The following SEPSECS variants were observed in gnomAD, a reference collection of about 807,000 sequenced individuals.
SEPSECS encodes O-phosphoseryl-tRNA(Sec) selenium transferase.
SEPSECS carries 42 observed loss-of-function variants against 52.1 expected under a neutral mutation model. The ratio of observed to expected loss-of-function variants is 0.81; its 90% CI spans 0.63 to 1.04. The LOEUF is 1.04. Among genes scored for constraint, SEPSECS ranks in the 50% least tolerant of loss-of-function variants. The pLI, the probability that SEPSECS is intolerant of heterozygous loss-of-function variation, is 0.00. For missense variants in SEPSECS, 590 were observed against 610.6 expected, an observed-to-expected ratio of 0.97 and a Z score of 0.36; for synonymous variants, 216 against 211.4, an observed-to-expected ratio of 1.02 and a Z score of -0.19.
chr4:25,158,940 T>TA lies in SEPSECS; in HGVS notation c.269+12dup, dbSNP rs748765764. ...TAAACGATGTATCTCCTGTACTACT[T>TA]AAAAAAAGATACCTGTAATGACGAC... On this transcript the variant is annotated intron_variant, in intron 2 of 10. Coordinates refer to ENST00000382103, the MANE Select transcript of SEPSECS (RefSeq NM_016955.4). The TA allele has an allele frequency of 3.1e-6, 5 of 1,612,582 alleles. No individual in the cohort carries two copies. The highest frequency in any genetic ancestry group is 1.7e-5 in the Admixed American group (1 of 60,014).
At chr4:25,133,318 T>C (rs1226286063) in intron 8 of SEPSECS, among the ~76,000 whole-genome samples, 3 of 152,242 alleles carry the variant, frequency 2.0e-5, no homozygotes, top group Non-Finnish European at 4.4e-5. Context: ...TCCTGACATC[T>C]GAGATGAAGG....
Position 25,123,932 on chromosome 4 carries a change from C to T in SEPSECS, c.1505G>A (p.Ter502=), listed in dbSNP as rs921485863. The T allele has an allele frequency of 9.3e-6, 15 of 1,612,434 alleles. No homozygotes were observed. Among genetic ancestry groups the T allele is most frequent in the Non-Finnish European group, 1.3e-5 (15 of 1,178,692 alleles). ...LLDTYQDASS[*] ...GATCAAGAAGAAACCCTTCGCATGT[C>T]ATGAAGAAGCATCCTGGTATGTGTC... is the stretch of plus-strand genomic sequence containing the variant. Residue 502 remains the stop codon, a stop_retained_variant, in exon 11 of 11, where the codon TGA becomes TAA. Coordinates refer to ENST00000382103, the MANE Select transcript of SEPSECS (RefSeq NM_016955.4).
intron 9 of SEPSECS, among the ~76,000 whole-genome samples, chr4:25,126,689 A>G (rs1728386648): frequency 6.6e-6 from 1 of 152,230 alleles, no homozygotes; most frequent in Admixed American, 6.5e-5. Flanking sequence ...ACAAATGAAA[A>G]TATCATAAAT....
chr4:25,143,957 C>G (rs1048333954), intron 8 of SEPSECS, among the ~76,000 whole-genome samples: 2 of 152,116 alleles, frequency 1.3e-5, no homozygotes, highest in Admixed American at 6.5e-5. Flanking sequence ...CTGAATTAAG[C>G]TAGTTGTGTT....
At chr4:25,128,018 A>G (rs1199504821) in intron 8 of SEPSECS, among the ~76,000 whole-genome samples, 1 of 152,096 alleles carries the variant, frequency 6.6e-6, no homozygotes, top group East Asian at 1.9e-4. Flanking sequence ...TGCTAAAGAC[A>G]CCTTCCTTTG....
Position 25,123,103 on chromosome 4 carries a change from G to A in SEPSECS, c.*828C>T, listed in dbSNP as rs939328007. 1 of 152,102 alleles carries A rather than the reference G, an allele frequency of 6.6e-6. No individual in the cohort carries two copies. Among genetic ancestry groups the A allele is most frequent in the Non-Finnish European group, 1.5e-5 (1 of 68,004 alleles). 9.4% of individuals were successfully genotyped at this position (152,102 alleles called of 1,614,324 possible). ...GACATGTTTGGAATCCGTGACCCTG[G>A]TTATCACTTAAGATTCTCTATATAG... On this transcript the variant is annotated 3_prime_UTR_variant, in exon 11 of 11. Coordinates refer to ENST00000382103, the MANE Select transcript of SEPSECS (RefSeq NM_016955.4).
rs778727132 is a variant in SEPSECS, at chr4:25,144,812, C to G, written c.988G>C (p.Gly330Arg). 1 of 1,613,112 alleles carries G rather than the reference C, an allele frequency of 6.2e-7. No homozygotes were observed. The highest frequency in any genetic ancestry group is 8.5e-7 in the Non-Finnish European group (1 of 1,179,500). Reference protein sequence around the residue: ...LDVLITLLSLGSNGYKKLLKE... With the variant: ...LDVLITLLSLRSNGYKKLLKE... The stretch of plus-strand genomic sequence containing the variant: ...AGTAGCTTCTTATAGCCATTTGATC[C>G]AAGTGACAATAAAGTAATAAGGACA... The change falls in exon 8 of 11, where the codon GGA (glycine) becomes CGA (arginine). Residue 330 changes from glycine (G) to arginine (R), a missense_variant. Physicochemically the swap from Gly to Arg is moderately radical, Grantham distance 125 (BLOSUM62 -2). Coordinates refer to ENST00000382103, the MANE Select transcript of SEPSECS (RefSeq NM_016955.4).
chr4:25,134,124 CA>C (rs34672005), intron 8 of SEPSECS, among the ~76,000 whole-genome samples: 1,677 of 13,150 alleles, frequency 0.13, 6 homozygotes, highest in East Asian at 0.27. Flanking sequence ...GACCCCATCT[CA>C]AAAAAAAAAA....
chr4:25,154,122 G>A (rs1712475236), intron 5 of SEPSECS, among the ~76,000 whole-genome samples: 1 of 152,044 alleles, frequency 6.6e-6, no homozygotes, highest in Non-Finnish European at 1.5e-5. Context: ...CATATGAAAA[G>A]TAATCTTAAA....
At chr4:25,158,102 G>A (rs1277099222) in intron 2 of SEPSECS, among the ~76,000 whole-genome samples, 8 of 152,156 alleles carry the variant, frequency 5.3e-5, no homozygotes, top group Non-Finnish European at 7.4e-5. Context: ...GAGGATTATC[G>A]AAGAATACTA....
At chr4:25,132,123 A>G (rs1345914449) in intron 8 of SEPSECS, among the ~76,000 whole-genome samples, 1 of 152,226 alleles carries the variant, frequency 6.6e-6, no homozygotes, top group South Asian at 2.1e-4. Flanking sequence ...TCACCCTTCA[A>G]AAAAGAAAGC....
At chr4:25,157,317 T>C (rs1007864536) in intron 2 of SEPSECS, among the ~76,000 whole-genome samples, 1 of 152,086 alleles carries the variant, frequency 6.6e-6, no homozygotes. Flanking sequence ...CTAGCAGAAG[T>C]AACTGTGTGA....
At chr4:25,154,753 G>T (rs1577628698) in intron 5 of SEPSECS, among the ~76,000 whole-genome samples, 1 of 152,086 alleles carries the variant, frequency 6.6e-6, no homozygotes, top group South Asian at 2.1e-4. Flanking sequence ...AAACAGAGAC[G>T]GTCTGCATCG....
At chr4:25,142,580 T>C (rs1375413853) in intron 8 of SEPSECS, among the ~76,000 whole-genome samples, 3 of 152,234 alleles carry the variant, frequency 2.0e-5, no homozygotes, top group African/African-American at 7.2e-5. Flanking sequence ...AAATGTTTAC[T>C]CGAATCTTAT....
Position 25,158,976 on chromosome 4 carries a change from T to C in SEPSECS, c.246A>G (p.Ala82=). 6.2e-7 allele frequency: 1 copy of C among 1,613,966 alleles called. No individual in the cohort carries two copies. The highest frequency in any genetic ancestry group is 8.5e-7 in the Non-Finnish European group (1 of 1,179,868). ...VGEREGRVAS[A]LVARRHYRFI... ...ACCTGTAATGACGACGAGCAACCAG[T>C]GCGGATGCCACTCTCCCTTCCCTTT... The change falls in exon 2 of 11, where the codon GCA becomes GCG. Residue 82 remains alanine, a synonymous_variant. Transcript: ENST00000382103.
At chr4:25,156,733 A>G (rs1712676337) in intron 3 of SEPSECS, 123 bp downstream of exon 3, 2 of 592,756 alleles carry the variant, frequency 3.4e-6, no homozygotes, top group Non-Finnish European at 6.1e-6. Context: ...AAAAAAAAAA[A>G]AAGAAGTCTT....
At chr4:25,124,528 G>A (rs1728282245) in intron 10 of SEPSECS, among the ~76,000 whole-genome samples, 1 of 151,936 alleles carries the variant, frequency 6.6e-6, no homozygotes, top group Non-Finnish European at 1.5e-5. Flanking sequence ...CTCTTTACCT[G>A]AAGCTCTAGG....
intron 6 of SEPSECS, among the ~76,000 whole-genome samples, chr4:25,147,327 G>C (rs566444160): frequency 3.3e-5 from 5 of 152,306 alleles, no homozygotes; most frequent in African/African-American, 1.2e-4. Flanking sequence ...TGCTCTATGA[G>C]GGTTAAAGAT....
intron 8 of SEPSECS, among the ~76,000 whole-genome samples, chr4:25,128,877 G>T (rs1483346200): frequency 1.3e-5 from 2 of 152,004 alleles, no homozygotes; most frequent in Non-Finnish European, 2.9e-5. Context: ...GAGTCCCAGA[G>T]GAATTTTTTT....
Sources: allele counts gnomAD v4.1 joint callset (sites outside exome capture counted in the v4.1 genomes callset), GRCh38; gene constraint gnomAD v4.1.1; transcripts MANE v1.5; gene names NCBI Gene and HGNC (gene_info 2026-07-23, HGNC 2026-07-21).